Variants in PPHLN1 observed in about 807,000 individuals in gnomAD.
PPHLN1 encodes the protein periphilin 1.
In PPHLN1, 29 loss-of-function variants were observed where a neutral mutation model predicts 51.3. The observed-to-expected ratio is 0.57, with a 90% CI of 0.42 to 0.77. The LOEUF is 0.77. Ranked by LOEUF, PPHLN1 falls within the 30% of genes least tolerant of loss-of-function variation. The pLI is 0.00. For missense variants in PPHLN1, 436 were observed against 438.4 expected, an observed-to-expected ratio of 0.99 and a Z score of 0.05; for synonymous variants, 147 against 147.8, an observed-to-expected ratio of 0.99 and a Z score of 0.04.
intron 7 of PPHLN1, among the ~76,000 whole-genome samples, chr12:42,390,185 C>A (rs1565912243): frequency 6.6e-6 from 1 of 152,154 alleles, no homozygotes; most frequent in Non-Finnish European, 1.5e-5. Flanking sequence ...GCAGCTGCTT[C>A]CCTGCCTCAG....
At chr12:42,337,012 A>C (rs2070752751) in intron 2 of PPHLN1, among the ~76,000 whole-genome samples, 1 of 152,218 alleles carries the variant, frequency 6.6e-6, no homozygotes, top group Non-Finnish European at 1.5e-5. Context: ...GGAAAAAATA[A>C]AGATGCCCAT....
rs1013555785 is a variant in PPHLN1, at chr12:42,412,300, C to T, written c.909+13306C>T. Among the ~76,000 whole-genome samples, 12 of 152,110 alleles carry T rather than the reference C, an allele frequency of 7.9e-5. No homozygotes were observed. In the East Asian group the frequency reaches 1.5e-3, roughly 20 times the overall value. ...TCCATTATACCACTCTGTCTGCCTTCGCATACTCAATAGCTTAGCTCTCAC... is the reference window on the plus strand; with the variant it reads ...TCCATTATACCACTCTGTCTGCCTTTGCATACTCAATAGCTTAGCTCTCAC... On this transcript the variant is annotated intron_variant, in intron 9 of 9. Transcript: ENST00000358314.
At chr12:42,431,542 TCCAAA>T in intron 9 of PPHLN1, 4 of 572,636 alleles carry the variant, frequency 7.0e-6, no homozygotes, top group Non-Finnish European at 9.6e-6. Flanking sequence ...CTTTTTGAAT[TCCAAA>T]TGGTAGAACT....
In PPHLN1 at chr12:42,441,667, GT is replaced by G. The variant is rs1261696545; in HGVS notation, c.*161del. 2 of 1,273,034 alleles carry G rather than the reference GT, an allele frequency of 1.6e-6. No individual in the cohort carries two copies. Among genetic ancestry groups the G allele is most frequent in the Non-Finnish European group, 2.0e-6 (2 of 995,950 alleles). The allele number at this position is 1,273,034 out of a possible 1,614,324, so 78.9% of individuals were successfully genotyped here. A position where few individuals can be genotyped will look rare whatever the true frequency, so the allele number is the denominator to read the frequency against. On this transcript the variant is annotated 3_prime_UTR_variant, in exon 10 of 10. Coordinates refer to ENST00000358314, the MANE Select transcript of PPHLN1 (RefSeq NM_201439.2). Reference sequence around the variant, plus strand: ...ATTAAATAAACATCTAAAATAGTCTGTTTAAAATGTTTGATTCAAATTTTTG... The same window carrying G: ...ATTAAATAAACATCTAAAATAGTCTGTTAAAATGTTTGATTCAAATTTTTG...
rs576331266 is a variant in PPHLN1 at position 42,440,972 on chromosome 12, A to T, written c.910-343A>T. ...TTTCTTCCAACAAATAAATGAACAA[A>T]GTCATTGATATGTCTTCCCTAGCCT... On this transcript the variant is annotated intron_variant, in intron 9 of 9. Transcript: ENST00000358314. Among the ~76,000 whole-genome samples the T allele has an allele frequency of 2.7e-4, 41 of 152,396 alleles. 1 individual carries two copies. The highest frequency in any genetic ancestry group is 7.2e-4 in the Admixed American group (11 of 15,312).
At chr12:42,402,042 A>G (rs888042606) in intron 9 of PPHLN1, among the ~76,000 whole-genome samples, 2 of 152,008 alleles carry the variant, frequency 1.3e-5, no homozygotes, top group Non-Finnish European at 2.9e-5. Context: ...TATTTTTTGT[A>G]GAGATGGGAT....
At chr12:42,424,382 T>C (rs2081251426) in intron 9 of PPHLN1, among the ~76,000 whole-genome samples, 1 of 152,200 alleles carries the variant, frequency 6.6e-6, no homozygotes, top group Admixed American at 6.5e-5. Context: ...CTTCCATAAT[T>C]TCCCTTTCTT....
chr12:42,412,483 T>C (rs1397763333), intron 9 of PPHLN1, among the ~76,000 whole-genome samples: 2 of 152,256 alleles, frequency 1.3e-5, no homozygotes, highest in East Asian at 1.9e-4. Context: ...TATTGTTTCA[T>C]TGGTTGATGG....
intron 8 of PPHLN1, among the ~76,000 whole-genome samples, chr12:42,395,512 A>G (rs1311330331): frequency 1.3e-5 from 2 of 152,084 alleles, no homozygotes; most frequent in Non-Finnish European, 2.9e-5. Flanking sequence ...ACTTTAGCTT[A>G]TTAATATTTT....
chr12:42,404,288 G>A (rs150312450), intron 9 of PPHLN1, among the ~76,000 whole-genome samples: 4,330 of 152,198 alleles, frequency 0.028, 225 homozygotes, highest in African/African-American at 0.099. Flanking sequence ...CAGCACTTTG[G>A]GGGGCCCAGG....
chr12:42,406,070 A>G (rs1592777174), intron 9 of PPHLN1, among the ~76,000 whole-genome samples: 1 of 149,370 alleles, frequency 6.7e-6, no homozygotes, highest in Non-Finnish European at 1.5e-5. Context: ...GATTCTTAAC[A>G]TTATAGTTTA....
chr12:42,354,592 G>T (rs1041574452), intron 3 of PPHLN1, among the ~76,000 whole-genome samples: 2 of 152,090 alleles, frequency 1.3e-5, no homozygotes, highest in Non-Finnish European at 2.9e-5. Context: ...ATGTCTTAGA[G>T]AACAAAATGT....
At chr12:42,436,711 TGA>T (rs1007013403) in intron 9 of PPHLN1, among the ~76,000 whole-genome samples, 1 of 152,066 alleles carries the variant, frequency 6.6e-6, no homozygotes, top group African/African-American at 2.4e-5. Context: ...ATCCGACAAC[TGA>T]GAGGGCTACT....
chr12:42,370,874 G>A (rs1359352586), intron 4 of PPHLN1, among the ~76,000 whole-genome samples: 1 of 152,070 alleles, frequency 6.6e-6, no homozygotes, highest in African/African-American at 2.4e-5. Flanking sequence ...CTGTTGCCTA[G>A]GCTGGAGTGC....
At position 42,360,404 on chromosome 12, in the gene PPHLN1, T is replaced by A. The variant is rs966981644; in HGVS notation, c.299+5182T>A. Among the ~76,000 whole-genome samples the A allele has an allele frequency of 6.6e-5, 10 of 150,518 alleles. No individual in the cohort carries two copies. The South Asian group carries it at 2.1e-3, about 32-fold the overall frequency. ...TTCTTCATTTCTTCATGATTAGAGA[T>A]TAGGTCTAGGTTATAGGTTTTTGCC... On this transcript the variant is annotated intron_variant, in intron 4 of 9. Coordinates refer to ENST00000358314, the MANE Select transcript of PPHLN1 (RefSeq NM_201439.2).
chr12:42,394,940 GAAT>G (rs1157347083), intron 8 of PPHLN1, among the ~76,000 whole-genome samples: 4 of 151,972 alleles, frequency 2.6e-5, no homozygotes, highest in Non-Finnish European at 2.9e-5. Context: ...CTTTCAAAAA[GAAT>G]AATTTCTTAA....
At chr12:42,348,921 T>C (rs2072783050) in intron 2 of PPHLN1, among the ~76,000 whole-genome samples, 1 of 152,324 alleles carries the variant, frequency 6.6e-6, no homozygotes, top group African/African-American at 2.4e-5. Context: ...TCATATTTTA[T>C]GTAAATGTAG....
chr12:42,393,713 G>A (rs1353432632), intron 8 of PPHLN1, 24 bp downstream of exon 8: 6 of 1,554,666 alleles, frequency 3.9e-6, no homozygotes, highest in Non-Finnish European at 5.2e-6. Context: ...TCTCCTTTAT[G>A]TTTCACATCT....
In PPHLN1 at chr12:42,326,504, G is replaced by A. The variant is rs547089225; in HGVS notation, c.-21+275G>A. Among the ~76,000 whole-genome samples, 3 of 152,306 alleles carry A rather than the reference G, an allele frequency of 2.0e-5. No homozygotes were observed. In the East Asian group the frequency reaches 5.8e-4, roughly 29 times the overall value. On this transcript the variant is annotated intron_variant, in intron 1 of 9. Coordinates refer to ENST00000358314, the MANE Select transcript of PPHLN1 (RefSeq NM_201439.2). ...AACTTCAGTGACCCGAGAGGAGTCA[G>A]GAAGTCGGTAATTTTACTGAAGGTG... is the stretch of plus-strand genomic sequence containing the variant.
Sources: allele counts gnomAD v4.1 joint callset (sites outside exome capture counted in the v4.1 genomes callset), GRCh38; gene constraint gnomAD v4.1.1; transcripts MANE v1.5; gene names NCBI Gene and HGNC (gene_info 2026-07-23, HGNC 2026-07-21).